Variants in DISC1 observed in about 807,000 individuals in gnomAD.
The protein encoded by DISC1 is DISC1 scaffold protein.
A neutral mutation model predicts 84.5 loss-of-function variants in DISC1; 57 were observed. The observed-to-expected ratio is 0.67, with a 90% CI of 0.55 to 0.84. DISC1 has a LOEUF of 0.84. DISC1 is among the 40% of genes least tolerant of loss of function. The pLI is 0.00. For missense variants in DISC1, 1,000 were observed against 1,057.8 expected (o/e 0.95, Z 0.76); for synonymous variants, 411 against 415.2 (o/e 0.99, Z 0.12).
chr1:231,992,668 G>A (rs1665375051), intron 10 of DISC1, among the ~76,000 whole-genome samples: 1 of 152,190 alleles, frequency 6.6e-6, no homozygotes. Flanking sequence ...AAATAGAGTG[G>A]CATGTTGAGA....
intron 9 of DISC1, among the ~76,000 whole-genome samples, chr1:231,874,381 G>A (rs1050991241): frequency 6.6e-6 from 1 of 151,374 alleles, no homozygotes; most frequent in East Asian, 2.0e-4. Flanking sequence ...GGGTGGTCTC[G>A]ATCTCTTGAC....
chr1:231,671,937 CA>C (rs1255920016), intron 1 of DISC1, among the ~76,000 whole-genome samples: 1 of 152,188 alleles, frequency 6.6e-6, no homozygotes. Flanking sequence ...TCATAAGATG[CA>C]TTGTCAATAA....
intron 8 of DISC1, among the ~76,000 whole-genome samples, chr1:231,811,768 A>G (rs377409323): frequency 2.0e-5 from 3 of 152,214 alleles, no homozygotes; most frequent in Admixed American, 6.5e-5. Flanking sequence ...TGACTAAGTC[A>G]CTTATTGACA....
In DISC1 at chr1:232,009,215, T is replaced by G; in HGVS notation, c.2307+166T>G. 7.0e-7 allele frequency: 1 copy of G among 1,423,056 alleles called. No homozygotes were observed. The highest frequency in any genetic ancestry group is 2.6e-5 in the East Asian group (1 of 39,082). 88.2% of individuals were successfully genotyped at this position (1,423,056 alleles called of 1,614,324 possible). ...ATATGATTACAAAATAAAGTAGAAT[T>G]TTTGTAGAAGTTTGAAATATAGAAG... On this transcript the variant is annotated intron_variant, in intron 11 of 12. Transcript: ENST00000439617. This position sits in a 1 kb window ranked among gnomAD's most constrained non-coding sequence, Gnocchi z 4.6.
chr1:231,665,080 A>AC (rs1015489390), intron 1 of DISC1, among the ~76,000 whole-genome samples: 2 of 152,196 alleles, frequency 1.3e-5, no homozygotes, highest in African/African-American at 2.4e-5. Flanking sequence ...AGAAATAGAA[A>AC]CAACATAAAA....
chr1:231,756,528 A>T (rs1205114066), intron 4 of DISC1, among the ~76,000 whole-genome samples: 1 of 92,008 alleles, frequency 1.1e-5, no homozygotes. Context: ...AGAGAGAGAG[A>T]GAGAGAGAGA....
intron 12 of DISC1, among the ~76,000 whole-genome samples, chr1:232,027,793 CTGTGTGTGTGTGTG>C (rs35448234): frequency 3.2e-4 from 46 of 143,436 alleles, no homozygotes; most frequent in African/African-American, 1.0e-3. Context: ...ACTTTATGGG[CTGTGTGTGTGTGTG>C]TGTGTGTGTG....
chr1:231,847,017 G>T (rs528902245), intron 9 of DISC1, among the ~76,000 whole-genome samples: 2 of 152,304 alleles, frequency 1.3e-5, no homozygotes, highest in African/African-American at 4.8e-5. Flanking sequence ...AAAGATCATT[G>T]TTCTTAAATT....
chr1:231,818,863 G>A (rs1535529), intron 9 of DISC1: 259,230 of 1,093,810 alleles, frequency 0.24, 31,362 homozygotes, highest in East Asian at 0.4. Context: ...CCTTGGCTCC[G>A]TCTCCTTGTC....
chr1:231,962,922 C>T (rs1660582606), intron 10 of DISC1, among the ~76,000 whole-genome samples: 1 of 152,150 alleles, frequency 6.6e-6, no homozygotes, highest in South Asian at 2.1e-4. Flanking sequence ...GTCAGTCTTG[C>T]CTCTTTAGCA....
At chr1:231,655,002 T>C (rs902831500) in intron 1 of DISC1, among the ~76,000 whole-genome samples, 5 of 152,220 alleles carry the variant, frequency 3.3e-5, no homozygotes, top group African/African-American at 1.2e-4. Context: ...CCTCAGACTT[T>C]AGAAGCAGTC....
intron 5 of DISC1, among the ~76,000 whole-genome samples, chr1:231,768,371 G>C (rs2076312472): frequency 6.6e-6 from 1 of 152,174 alleles, no homozygotes; most frequent in Non-Finnish European, 1.5e-5. Context: ...CACTGCAAGA[G>C]TAAGGTGGCA....
chr1:231,640,839 C>G (rs528063827), intron 1 of DISC1, among the ~76,000 whole-genome samples: 1 of 152,158 alleles, frequency 6.6e-6, no homozygotes, highest in Non-Finnish European at 1.5e-5. Flanking sequence ...CTGTGCCCCT[C>G]CCTGGTTTTT....
intron 10 of DISC1, among the ~76,000 whole-genome samples, chr1:231,981,465 A>G (rs1663595933): frequency 2.0e-5 from 3 of 152,200 alleles, no homozygotes; most frequent in Admixed American, 2.0e-4. Context: ...TTTAGAGTTC[A>G]TACTGATCCT....
intron 9 of DISC1, among the ~76,000 whole-genome samples, chr1:231,837,582 CTA>C (rs1255529878): frequency 8.1e-5 from 8 of 98,280 alleles, no homozygotes; most frequent in African/African-American, 2.6e-4. Context: ...TATTTCTGAT[CTA>C]TATATTTTTT....
intron 11 of DISC1, among the ~76,000 whole-genome samples, chr1:232,021,150 C>T (rs1227448976): frequency 1.3e-5 from 2 of 152,170 alleles, no homozygotes; most frequent in Non-Finnish European, 2.9e-5. Context: ...CTGTATATTT[C>T]TTACCTGCCT....
chr1:231,866,555 C>T (rs1020003840), intron 9 of DISC1: 1 of 966,426 alleles, frequency 1.0e-6, no homozygotes, highest in Non-Finnish European at 1.7e-6. Flanking sequence ...GTCCTGGACA[C>T]AGAGAAGTCA....
intron 3 of DISC1, among the ~76,000 whole-genome samples, chr1:231,721,930 G>A (rs996272904): frequency 6.6e-6 from 1 of 152,136 alleles, no homozygotes; most frequent in Non-Finnish European, 1.5e-5. Context: ...GAGGCGGGCA[G>A]ATCATGAGGT....
chr1:231,874,804 G>A (rs369229694), intron 9 of DISC1, among the ~76,000 whole-genome samples: 3 of 151,676 alleles, frequency 2.0e-5, no homozygotes, highest in East Asian at 2.0e-4. Context: ...CCAGCTACTC[G>A]GGAGGCTGAG....
Sources: gnomAD v4.1 joint callset for allele counts (sites outside exome capture counted in the v4.1 genomes callset) on GRCh38, gnomAD v4.1.1 for gene constraint, Gnocchi (gnomAD v3.1) non-coding constraint, MANE v1.5 for transcripts, NCBI Gene and HGNC (gene_info 2026-07-23, HGNC 2026-07-21) for gene names.